Variants in ARMH3 observed in about 807,000 individuals in gnomAD.
ARMH3 encodes the protein armadillo like helical domain containing 3, also known as armadillo-like helical domain-containing protein 3.
A neutral mutation model predicts 99.1 loss-of-function variants in ARMH3; 60 were observed. That is an observed-to-expected ratio of 0.61 (90% CI 0.49 to 0.75). ARMH3 has a LOEUF of 0.75. ARMH3 is among the 30% of genes least tolerant of loss of function. The pLI, the probability that ARMH3 is intolerant of heterozygous loss-of-function variation, is 0.00. For synonymous variants in ARMH3, 285 were observed against 292.8 expected (o/e 0.97, Z 0.27); for missense variants, 679 against 843.1 (o/e 0.81, Z 2.41).
chr10:102,037,167 T>C (rs1443794151), intron 2 of ARMH3, among the ~76,000 whole-genome samples: 3 of 151,512 alleles, frequency 2.0e-5, no homozygotes, highest in African/African-American at 7.3e-5. Context: ...TAATAATCTC[T>C]TCTGGATTTT....
intron 20 of ARMH3, among the ~76,000 whole-genome samples, chr10:101,964,066 TG>T (rs879890536): frequency 1.3e-5 from 2 of 152,010 alleles, no homozygotes; most frequent in Non-Finnish European, 2.9e-5. Flanking sequence ...TTAATAGAGA[TG>T]GGGTTTCACC....
intron 2 of ARMH3, among the ~76,000 whole-genome samples, chr10:102,034,393 T>C (rs1030606382): frequency 1.3e-5 from 2 of 151,782 alleles, no homozygotes; most frequent in Non-Finnish European, 1.5e-5. Context: ...TCCTAGCACT[T>C]TGGGAGGCTG....
At chr10:101,894,870 CAA>C (rs140398612) in intron 23 of ARMH3, among the ~76,000 whole-genome samples, 18 of 86,392 alleles carry the variant, frequency 2.1e-4, no homozygotes, top group African/African-American at 2.1e-4. Context: ...GAAACTCTGC[CAA>C]AAAAAAAAAA....
At chr10:101,983,538 C>A (rs1564819015) in intron 19 of ARMH3, among the ~76,000 whole-genome samples, 1 of 152,180 alleles carries the variant, frequency 6.6e-6, no homozygotes, top group Non-Finnish European at 1.5e-5. Context: ...GGATTACAGG[C>A]ATGAACCATG....
At chr10:101,993,927 G>A (rs564494824) in intron 16 of ARMH3, among the ~76,000 whole-genome samples, 1 of 152,288 alleles carries the variant, frequency 6.6e-6, no homozygotes, top group Admixed American at 6.5e-5. Context: ...TCTGCCCAAG[G>A]AGCTGGCTCT....
chr10:101,846,029 G>A lies in ARMH3; in HGVS notation c.*1499C>T, dbSNP rs932358534. 1.3e-5 allele frequency: 2 copies of A among 152,252 alleles called. No homozygotes were observed. Among genetic ancestry groups the A allele is most frequent in the African/African-American group, 4.8e-5 (2 of 41,458 alleles). The allele number at this position is 152,252 out of a possible 1,614,324, so 9.4% of individuals were successfully genotyped here. A position where few individuals can be genotyped will look rare whatever the true frequency, so the allele number is the denominator to read the frequency against. ...ATCTCGAAGCAGCAGCTATTTCAGA[G>A]GCAGCTGTTGGGAAAGCCTATAGTG... is the stretch of plus-strand genomic sequence containing the variant. On this transcript the variant is annotated 3_prime_UTR_variant, in exon 26 of 26. Coordinates refer to ENST00000370033, the MANE Select transcript of ARMH3 (RefSeq NM_024541.3).
intron 20 of ARMH3, among the ~76,000 whole-genome samples, chr10:101,967,820 T>C (rs562312036): frequency 6.6e-6 from 1 of 152,210 alleles, no homozygotes; most frequent in South Asian, 2.1e-4. Context: ...AGCACTTCAC[T>C]GACACAGAGG....
chr10:101,997,799 C>A (rs7094764), intron 15 of ARMH3, among the ~76,000 whole-genome samples: 32,473 of 151,902 alleles, frequency 0.21, 3,824 homozygotes, highest in East Asian at 0.52. Context: ...TTAAAAGTAT[C>A]TTTTTGGGTT....
chr10:102,003,563 A>C (rs1306066595), intron 14 of ARMH3, among the ~76,000 whole-genome samples: 1 of 152,204 alleles, frequency 6.6e-6, no homozygotes, highest in Admixed American at 6.5e-5. Flanking sequence ...ACAATATATA[A>C]GTTAAAAGGA....
At chr10:101,876,925 T>C (rs937703514) in intron 24 of ARMH3, among the ~76,000 whole-genome samples, 10 of 152,140 alleles carry the variant, frequency 6.6e-5, no homozygotes, top group African/African-American at 1.9e-4. Flanking sequence ...AGCTGACTAC[T>C]GGCCAGGTGC....
At chr10:102,039,292 G>A (rs1206356435) in intron 2 of ARMH3, among the ~76,000 whole-genome samples, 2 of 151,898 alleles carry the variant, frequency 1.3e-5, no homozygotes, top group Admixed American at 6.6e-5. Context: ...TTACAGGAGC[G>A]CACCACCATG....
At chr10:101,922,857 C>T (rs1843357271) in intron 23 of ARMH3, among the ~76,000 whole-genome samples, 2 of 151,980 alleles carry the variant, frequency 1.3e-5, no homozygotes, top group Admixed American at 1.3e-4. Flanking sequence ...GAGGGGAGAA[C>T]AATGGGAACC....
chr10:101,959,220 A>G (rs1364334140), intron 20 of ARMH3, among the ~76,000 whole-genome samples: 1 of 152,188 alleles, frequency 6.6e-6, no homozygotes, highest in Admixed American at 6.5e-5. Context: ...TCCTACCAGG[A>G]GCACAGGAAT....
chr10:102,023,894 A>G, intron 6 of ARMH3, 145 bp from the exon 7 acceptor site: 1 of 718,006 alleles, frequency 1.4e-6, no homozygotes, highest in Non-Finnish European at 2.3e-6. Context: ...GTGCCCCTTA[A>G]GTCATGAGAG....
chr10:102,029,884 G>GT, intron 4 of ARMH3, 139 bp from the exon 5 acceptor site: 5 of 809,908 alleles, frequency 6.2e-6, no homozygotes, highest in Admixed American at 3.2e-5. Context: ...CACAGTCTGA[G>GT]TTTTTTTGGT....
At chr10:101,973,320 C>G (rs1448563900) in intron 20 of ARMH3, among the ~76,000 whole-genome samples, 1 of 148,202 alleles carries the variant, frequency 6.7e-6, no homozygotes, top group African/African-American at 2.5e-5. Flanking sequence ...CGAGATCATG[C>G]CACTGCTCCA....
At chr10:102,024,731 A>ATTGT (rs893802277) in intron 6 of ARMH3, among the ~76,000 whole-genome samples, 4 of 151,634 alleles carry the variant, frequency 2.6e-5, no homozygotes, top group Non-Finnish European at 5.9e-5. Flanking sequence ...AGGCAGGAGA[A>ATTGT]TTGTTTGAAC....
Position 101,889,478 on chromosome 10 carries a change from G to C in ARMH3, c.1794C>G (p.Asn598Lys), listed in dbSNP as rs1277725630. The part of the protein sequence containing the change: ...HALVNIRAII[N>K]HFNPKIESYA... ...AGGACTCAATTTTGGGGTTAAAGTG[G>C]TTGATGATGGCTCTGAAACAAAGAA... The change falls in exon 24 of 26, where the codon AAC becomes AAG. Residue 598 changes from asparagine (N) to lysine (K), a missense_variant. By Grantham distance (94) the Asn-to-Lys change is moderately conservative. This residue lies in a region of ARMH3 where 389 missense variants were observed against 456.5 expected (regional missense o/e 0.85). Coordinates refer to ENST00000370033, the MANE Select transcript of ARMH3 (RefSeq NM_024541.3). 18 of 1,612,986 alleles carry C rather than the reference G, an allele frequency of 1.1e-5. No individual in the cohort carries two copies. Among genetic ancestry groups the C allele is most frequent in the African/African-American group, 1.3e-5 (1 of 74,906 alleles).
intron 15 of ARMH3, among the ~76,000 whole-genome samples, chr10:101,999,497 A>C (rs191396943): frequency 3.2e-4 from 49 of 152,162 alleles, no homozygotes; most frequent in Middle Eastern, 3.4e-3. Flanking sequence ...CAGCCAAAAA[A>C]TCCTTTTAAA....
Sources: allele counts gnomAD v4.1 joint callset (sites outside exome capture counted in the v4.1 genomes callset), GRCh38; gene constraint gnomAD v4.1.1; regional missense constraint gnomAD v4.1.1; transcripts MANE v1.5; gene names NCBI Gene and HGNC (gene_info 2026-07-23, HGNC 2026-07-21).